ESPN: variants seen among roughly 807,000 people sequenced by gnomAD.
The protein encoded by ESPN is autosomal recessive deafness type 36 protein.
In ESPN, 68 loss-of-function variants were observed where a neutral mutation model predicts 77.7. That is an observed-to-expected ratio of 0.87 (90% CI 0.72 to 1.07). The LOEUF (loss-of-function observed/expected upper bound fraction) is 1.07. Ranked by LOEUF, ESPN falls within the 50% of genes least tolerant of loss-of-function variation. The pLI is 0.00. For synonymous variants in ESPN, 449 were observed against 567.1 expected (o/e 0.79, Z 2.96); for missense variants, 1,060 against 1,239.0 (o/e 0.86, Z 2.17).
intron 5 of ESPN, among the ~76,000 whole-genome samples, chr1:6,441,485 G>A (rs1302802274): frequency 6.6e-6 from 1 of 152,154 alleles, no homozygotes; most frequent in Non-Finnish European, 1.5e-5. Flanking sequence ...TTAGAGTGGA[G>A]AACCTACCTT....
intron 7 of ESPN, among the ~76,000 whole-genome samples, chr1:6,446,322 G>C (rs1163673005): frequency 6.6e-6 from 1 of 152,196 alleles, no homozygotes; most frequent in Non-Finnish European, 1.5e-5. Flanking sequence ...CTCAGTCGGA[G>C]AGTGTCACCC....
At chr1:6,435,012 A>G (rs1643382902) in intron 2 of ESPN, among the ~76,000 whole-genome samples, 1 of 152,052 alleles carries the variant, frequency 6.6e-6, no homozygotes, top group African/African-American at 2.4e-5. Context: ...GGAGGCTGGG[A>G]GAGTTGCAGG....
intron 10 of ESPN, among the ~76,000 whole-genome samples, chr1:6,453,507 A>C (rs9434778): frequency 6.6e-6 from 1 of 152,094 alleles, no homozygotes; most frequent in African/African-American, 2.4e-5. Flanking sequence ...GGTGGCCAGG[A>C]GGAGAGTGGG....
chr1:6,427,777 C>T lies in ESPN; in HGVS notation c.295-449C>T, dbSNP rs923602205. On this transcript the variant is annotated intron_variant, in intron 1 of 12. Transcript: ENST00000645284. This position sits in a 1 kb window ranked among gnomAD's most constrained non-coding sequence, Gnocchi z 4.6. ...TTGGATGCAGGGGGTGACCCCCAAT[C>T]CTGATGCTAGCTTGGTACAGCCCCA... Among the ~76,000 whole-genome samples, 2 of 152,198 alleles carry T rather than the reference C, an allele frequency of 1.3e-5. No homozygotes were observed. The highest frequency in any genetic ancestry group is 2.9e-5 in the Non-Finnish European group (2 of 68,022).
chr1:6,436,867 GTTC>G (rs1231177030), intron 2 of ESPN, among the ~76,000 whole-genome samples: 1 of 152,126 alleles, frequency 6.6e-6, no homozygotes, highest in Non-Finnish European at 1.5e-5. Flanking sequence ...AGTGCCCATT[GTTC>G]TTCTTGTCCT....
intron 2 of ESPN, among the ~76,000 whole-genome samples, chr1:6,432,235 T>TC (rs1408418232): frequency 6.6e-6 from 1 of 152,062 alleles, no homozygotes; most frequent in Non-Finnish European, 1.5e-5. Context: ...GGCTCAACTC[T>TC]CCCCCTTAGA....
intron 2 of ESPN, among the ~76,000 whole-genome samples, chr1:6,439,427 TG>T (rs1276845955): frequency 6.6e-6 from 1 of 152,210 alleles, no homozygotes; most frequent in Non-Finnish European, 1.5e-5. Context: ...CTCAGTCTTC[TG>T]GGGGAGGCAA....
Position 6,424,906 on chromosome 1 carries a change from C to A in ESPN, c.-50C>A. On this transcript the variant is annotated 5_prime_UTR_variant, in exon 1 of 13. Coordinates refer to ENST00000645284, the MANE Select transcript of ESPN (RefSeq NM_031475.3). ...CTGGCCCGCAAGAACACGTGCATGG[C>A]GTCCTGGGGAAGGCGCTGAGTGCGG... The A allele has an allele frequency of 7.1e-7, 1 of 1,399,524 alleles. No individual in the cohort carries two copies. The highest frequency in any genetic ancestry group is 9.3e-7 in the Non-Finnish European group (1 of 1,077,262). 86.7% of individuals were successfully genotyped at this position (1,399,524 alleles called of 1,614,324 possible).
chr1:6,461,183 T>G (rs1417167731), downstream of ESPN: 9 of 710,496 alleles, frequency 1.3e-5, no homozygotes, highest in Non-Finnish European at 2.1e-5. This position sits in a 1 kb window ranked among gnomAD's most constrained non-coding sequence, Gnocchi z 6.3. Flanking sequence ...TTCACAGATT[T>G]AATACCGCGA....
chr1:6,439,527 A>G (rs557582788), intron 2 of ESPN, among the ~76,000 whole-genome samples: 4 of 152,264 alleles, frequency 2.6e-5, no homozygotes, highest in African/African-American at 9.6e-5. Flanking sequence ...CAAGGGGGAA[A>G]TAAATCAGGG....
chr1:6,433,164 G>C (rs1210539582), intron 2 of ESPN, among the ~76,000 whole-genome samples: 1 of 150,890 alleles, frequency 6.6e-6, no homozygotes, highest in Non-Finnish European at 1.5e-5. Context: ...GCAAGTCCTG[G>C]TCTGGTGCAG....
intron 5 of ESPN, chr1:6,443,041 G>A (rs1643700326): frequency 6.7e-6 from 1 of 149,654 alleles, no homozygotes; most frequent in South Asian, 2.1e-4. Flanking sequence ...GTGTGGTGGC[G>A]GGCGCCTGTA....
intron 5 of ESPN, chr1:6,443,111 G>T (rs1338765283): frequency 6.6e-6 from 1 of 150,918 alleles, no homozygotes; most frequent in Non-Finnish European, 1.5e-5. Context: ...GATGGAGGCT[G>T]CAGTGAGCCA....
At chr1:6,432,356 T>G (rs912002850) in intron 2 of ESPN, among the ~76,000 whole-genome samples, 2 of 152,148 alleles carry the variant, frequency 1.3e-5, no homozygotes, top group African/African-American at 4.8e-5. Context: ...CTACCCTTGG[T>G]GTCTGTCAGT....
chr1:6,453,415 C>T (rs1260280273), intron 10 of ESPN, among the ~76,000 whole-genome samples: 4 of 152,226 alleles, frequency 2.6e-5, no homozygotes, highest in Non-Finnish European at 4.4e-5. Flanking sequence ...CAGCCCTAAC[C>T]GGCCACCTTA....
Position 6,452,093 on chromosome 1 carries a change from G to T in ESPN, c.2322G>T (p.Arg774=). Residue 774 remains arginine, a synonymous_variant, in exon 10 of 13, where the codon CGG becomes CGT. Transcript: ENST00000645284. ...TGCAGGAGGAGGAGGAGCAGAGGCG[G>T]AAGGTGGGTGGGGCGGGGTGCCCAG... ...LKMQEEEEQR[R]KEEEEEARLA... 5 of 1,542,080 alleles carry T rather than the reference G, an allele frequency of 3.2e-6. No homozygotes were observed. The East Asian group carries it at 1.2e-4, about 38-fold the overall frequency.
Position 6,457,235 on chromosome 1 carries a change from C to G in ESPN, c.2377C>G (p.Leu793Val), listed in dbSNP as rs748247165. ...LASMPAWRRDLLRKKLEEERE... is the reference protein window; with the variant it reads ...LASMPAWRRDVLRKKLEEERE... ...CAGCATGCCCGCCTGGAGGCGGGAC[C>G]TCCTGCGGAAGAAGCTGGAAGAAGA... Residue 793 changes from leucine (L) to valine (V), a missense_variant, in exon 11 of 13, where the codon CTC (leucine) becomes GTC (valine). Transcript: ENST00000645284. 2 of 1,613,600 alleles carry G rather than the reference C, an allele frequency of 1.2e-6. No homozygotes were observed. The highest frequency in any genetic ancestry group is 3.3e-5 in the Admixed American group (2 of 59,958).
rs1486074888 is a variant in ESPN at position 6,427,616 on chromosome 1, G to A, written c.295-610G>A. Among the ~76,000 whole-genome samples, 1 of 152,246 alleles carries A rather than the reference G, an allele frequency of 6.6e-6. No individual in the cohort carries two copies. The highest frequency in any genetic ancestry group is 1.5e-5 in the Non-Finnish European group (1 of 68,044). ...AGGGGCGAGAACACAGGCTGCTCCT[G>A]TGGCTGGGCACTGGCGAGTCTGCTG... On this transcript the variant is annotated intron_variant, in intron 1 of 12. Coordinates refer to ENST00000645284, the MANE Select transcript of ESPN (RefSeq NM_031475.3). The surrounding 1 kb of genome is among the most constrained non-coding windows in gnomAD (Gnocchi z 4.6).
intron 8 of ESPN, among the ~76,000 whole-genome samples, chr1:6,449,647 G>T (rs1370462568): frequency 6.6e-6 from 1 of 152,212 alleles, no homozygotes; most frequent in Non-Finnish European, 1.5e-5. Flanking sequence ...GCCAGTTTCT[G>T]CCAGGGGCCC....
Sources: gnomAD v4.1 joint callset for allele counts (sites outside exome capture counted in the v4.1 genomes callset) on GRCh38, gnomAD v4.1.1 for gene constraint, Gnocchi (gnomAD v3.1) non-coding constraint, MANE v1.5 for transcripts, NCBI Gene and HGNC (gene_info 2026-07-23, HGNC 2026-07-21) for gene names.